The following RET variants were observed in gnomAD, a reference collection of about 807,000 sequenced individuals.
The protein encoded by RET is proto-oncogene tyrosine-protein kinase receptor Ret.
RET carries 19 observed loss-of-function variants against 118.3 expected under a neutral mutation model. The ratio of observed to expected loss-of-function variants is 0.16; its 90% CI spans 0.11 to 0.24. The LOEUF is 0.24. RET is among the 10% of genes least tolerant of loss of function. RET has a pLI of 1.00. For missense variants in RET, 1,219 were observed against 1,502.1 expected, an observed-to-expected ratio of 0.81 and a Z score of 3.12; for synonymous variants, 597 against 644.1, an observed-to-expected ratio of 0.93 and a Z score of 1.11.
rs2132947040 is a variant in RET, at chr10:43,119,648, C to T, written c.2510C>T (p.Ser837Phe). 1 of 1,613,286 alleles carries T rather than the reference C, an allele frequency of 6.2e-7. No individual in the cohort carries two copies. The highest frequency in any genetic ancestry group is 8.5e-7 in the Non-Finnish European group (1 of 1,179,964). ...AGTGGAGGCAGCCGCAACTCCAGCT[C>T]CCTGGACCACCCGGATGAGCGGGCC... The part of the protein sequence containing the change: ...LGSGGSRNSS[S>F]LDHPDERALT... Residue 837 changes from serine (S) to phenylalanine (F), a missense_variant, in exon 14 of 20, where the codon TCC (serine) becomes TTC (phenylalanine). By Grantham distance (155) the Ser-to-Phe change is radical. Transcript: ENST00000355710.
At chr10:43,096,604 C>G (rs1837527515) in intron 1 of RET, among the ~76,000 whole-genome samples, 1 of 152,160 alleles carries the variant, frequency 6.6e-6, no homozygotes, top group African/African-American at 2.4e-5. Context: ...GCATGCCTCC[C>G]CCACTTCGAA....
intron 3 of RET, among the ~76,000 whole-genome samples, chr10:43,103,929 G>T (rs1208795336): frequency 1.3e-5 from 2 of 152,200 alleles, no homozygotes; most frequent in Non-Finnish European, 2.9e-5. Flanking sequence ...GTGACCTTCC[G>T]CCTTCAGCAT....
chr10:43,117,176 C>T (rs1258016785), intron 12 of RET, among the ~76,000 whole-genome samples: 5 of 152,250 alleles, frequency 3.3e-5, no homozygotes, highest in Admixed American at 2.6e-4. Flanking sequence ...GGCACATGCA[C>T]CTACCCACAC....
intron 16 of RET, among the ~76,000 whole-genome samples, chr10:43,122,797 G>C (rs1356719435): frequency 1.3e-5 from 2 of 152,064 alleles, no homozygotes; most frequent in Non-Finnish European, 2.9e-5. Flanking sequence ...TTTTGGTAGG[G>C]ACAGGGTTTC....
rs186020311 is a variant in RET, at chr10:43,098,316, A to G, written c.74-2143A>G. ...AATTTGACTACTCTAGGGATCTCACATAAGTGGAATCGTGCAGTGTTCATC... is the reference window on the plus strand; with the variant it reads ...AATTTGACTACTCTAGGGATCTCACGTAAGTGGAATCGTGCAGTGTTCATC... On this transcript the variant is annotated intron_variant, in intron 1 of 19. Transcript: ENST00000355710. Among the ~76,000 whole-genome samples the G allele has an allele frequency of 1.7e-4, 26 of 152,202 alleles. No homozygotes were observed. In the East Asian group the frequency reaches 3.1e-3, roughly 18 times the overall value.
chr10:43,100,208 G>A (rs942603750), intron 1 of RET, among the ~76,000 whole-genome samples: 2 of 152,142 alleles, frequency 1.3e-5, no homozygotes, highest in Non-Finnish European at 2.9e-5. Context: ...GTGCCCTTCC[G>A]GCTTGGATGA....
At chr10:43,123,246 A>G (rs999195293) in intron 16 of RET, among the ~76,000 whole-genome samples, 3 of 152,220 alleles carry the variant, frequency 2.0e-5, no homozygotes, top group Admixed American at 1.3e-4. Context: ...CCAAGCACAT[A>G]GAAATGGCAA....
intron 1 of RET, among the ~76,000 whole-genome samples, chr10:43,090,763 C>T (rs990253996): frequency 4.0e-5 from 6 of 150,892 alleles, no homozygotes; most frequent in African/African-American, 9.7e-5. Flanking sequence ...GCAGTGGTGC[C>T]GGTCAGGAGC....
chr10:43,088,604 A>G (rs529009370), intron 1 of RET, among the ~76,000 whole-genome samples: 28 of 152,060 alleles, frequency 1.8e-4, no homozygotes, highest in African/African-American at 6.0e-4. Flanking sequence ...TGTGAACTTC[A>G]TGTGCATTAA....
At chr10:43,115,083 G>A (rs1838040855) in intron 11 of RET, among the ~76,000 whole-genome samples, 1 of 152,156 alleles carries the variant, frequency 6.6e-6, no homozygotes, top group South Asian at 2.1e-4. Context: ...TCCAGGCTGT[G>A]CCGAGTATCC....
chr10:43,083,360 G>A (rs1411644024), intron 1 of RET, among the ~76,000 whole-genome samples: 1 of 152,234 alleles, frequency 6.6e-6, no homozygotes, highest in Non-Finnish European at 1.5e-5. Flanking sequence ...TGTACTTGGT[G>A]ACAGGAATGC....
chr10:43,079,003 G>C (rs866839461), intron 1 of RET, among the ~76,000 whole-genome samples: 1 of 152,184 alleles, frequency 6.6e-6, no homozygotes, highest in Admixed American at 6.5e-5. Context: ...CCGGAGGTTC[G>C]AGCCGCACTC....
In RET at chr10:43,112,172, C is replaced by T. The variant is rs144460361; in HGVS notation, c.1596C>T (p.Gly532=). 57 of 1,576,250 alleles carry T rather than the reference C, an allele frequency of 3.6e-5. No individual in the cohort carries two copies. The highest frequency in any genetic ancestry group is 2.3e-4 in the East Asian group (10 of 42,786). ...SKRRLECEEC[G]GLGSPTGRCE... is the part of the protein sequence containing the mutation. Reference sequence around the variant, plus strand: ...GACGGCTGGAGTGTGAGGAGTGTGGCGGCCTGGGCTCCCCAACAGGCAGGT... The same window carrying T: ...GACGGCTGGAGTGTGAGGAGTGTGGTGGCCTGGGCTCCCCAACAGGCAGGT... The change falls in exon 8 of 20, where the codon GGC becomes GGT. Residue 532 remains glycine (G), a synonymous_variant. Coordinates refer to ENST00000355710, the MANE Select transcript of RET (RefSeq NM_020975.6).
chr10:43,112,055 G>C (rs751634084), intron 7 of RET, 44 bp from the exon 8 acceptor site: 1 of 1,569,722 alleles, frequency 6.4e-7, no homozygotes, highest in Non-Finnish European at 8.6e-7. Context: ...TGGACGCTGG[G>C]CCCAGGCCAG....
intron 8 of RET, 43 bp downstream of exon 8, chr10:43,112,267 G>C: frequency 1.3e-6 from 2 of 1,548,514 alleles, no homozygotes; most frequent in Non-Finnish European, 8.7e-7. Flanking sequence ...AGGGGCGATG[G>C]CACCGGTGGA....
chr10:43,096,420 A>G (rs1837524016), intron 1 of RET, among the ~76,000 whole-genome samples: 1 of 151,880 alleles, frequency 6.6e-6, no homozygotes, highest in South Asian at 2.1e-4. Context: ...ATGTCCAGCT[A>G]TTTCACTTGG....
chr10:43,114,713 T>G lies in RET; in HGVS notation c.2113T>G (p.Ser705Ala). 1 of 1,611,418 alleles carries G rather than the reference T, an allele frequency of 6.2e-7. No individual in the cohort carries two copies. The highest frequency in any genetic ancestry group is 8.5e-7 in the Non-Finnish European group (1 of 1,179,844). ...PSLDSMENQV[S>A]VDAFKILEDP... is the part of the protein sequence containing the mutation. The stretch of plus-strand genomic sequence containing the variant: ...GCTGGACTCCATGGAGAACCAGGTC[T>G]CCGTGGATGCCTTCAAGATCCTGGT... Residue 705 changes from serine (S) to alanine (A), a missense_variant, in exon 11 of 20, where the codon TCC becomes GCC. By Grantham distance (99) the Ser-to-Ala change is moderately conservative. Around this residue, in one of 5 missense-constraint regions of RET, gnomAD observed 850 missense variants for 969.6 expected, o/e 0.88. Transcript: ENST00000355710. This position sits in a 1 kb window ranked among gnomAD's most constrained non-coding sequence, Gnocchi z 4.6.
At position 43,114,792 on chromosome 10, in the gene RET, G is replaced by A. The variant is rs538953470; in HGVS notation, c.2136+56G>A. 8.3e-5 allele frequency: 128 copies of A among 1,545,026 alleles called. 1 individual carries two copies. The Admixed American group carries it at 1.3e-3, about 16-fold the overall frequency. Reference sequence around the variant, plus strand: ...CCTGCCCTCCCCAGCTGCCTTCCAGGGAGGGAGGCCAGCTGGGGAGACAGA... The same window carrying A: ...CCTGCCCTCCCCAGCTGCCTTCCAGAGAGGGAGGCCAGCTGGGGAGACAGA... On this transcript the variant is annotated intron_variant, in intron 11 of 19. Coordinates refer to ENST00000355710, the MANE Select transcript of RET (RefSeq NM_020975.6). This position sits in a 1 kb window ranked among gnomAD's most constrained non-coding sequence, Gnocchi z 4.6.
chr10:43,127,895 T>C (rs1838369550), intron 19 of RET, among the ~76,000 whole-genome samples: 1 of 152,182 alleles, frequency 6.6e-6, no homozygotes, highest in Admixed American at 6.5e-5. Context: ...TCAAAATTGG[T>C]AGTGTCTGTT....
Sources: allele counts gnomAD v4.1 joint callset (sites outside exome capture counted in the v4.1 genomes callset), GRCh38; gene constraint gnomAD v4.1.1; regional missense constraint gnomAD v4.1.1; non-coding constraint Gnocchi (gnomAD v3.1); transcripts MANE v1.5; gene names NCBI Gene and HGNC (gene_info 2026-07-23, HGNC 2026-07-21).